The following PRKCE variants were observed in gnomAD, a reference collection of about 807,000 sequenced individuals.
PRKCE encodes the protein protein kinase C epsilon type.
PRKCE carries 16 observed loss-of-function variants against 85.4 expected under a neutral mutation model. That is an observed-to-expected ratio of 0.19 (90% CI 0.13 to 0.28). The LOEUF (loss-of-function observed/expected upper bound fraction) is 0.28. PRKCE is among the 10% of genes least tolerant of loss of function. The pLI is 1.00. For synonymous variants in PRKCE, 388 were observed against 371.5 expected (o/e 1.04, Z -0.51); for missense variants, 573 against 975.2 (o/e 0.59, Z 5.49).
At chr2:45,896,392 A>G (rs1399718798) in intron 2 of PRKCE, among the ~76,000 whole-genome samples, 1 of 152,138 alleles carries the variant, frequency 6.6e-6, no homozygotes, top group Non-Finnish European at 1.5e-5. Flanking sequence ...TGTGGCTGGG[A>G]GGGAGTTAAA....
At position 45,976,541 on chromosome 2, in the gene PRKCE, C is replaced by T. The variant is rs1208704506; in HGVS notation, c.525C>T (p.Thr175=). The part of the protein sequence containing the change: ...HQVNGHKFMA[T]YLRQPTYCSH... ...TCAACGGCCACAAGTTCATGGCCAC[C>T]TATCTTCGGCAGCCCACCTACTGCT... The change falls in exon 3 of 15, where the codon ACC becomes ACT. Residue 175 remains threonine, a synonymous_variant. Transcript: ENST00000306156. 6.3e-7 allele frequency: 1 copy of T among 1,599,780 alleles called. No homozygotes were observed. Among genetic ancestry groups the T allele is most frequent in the South Asian group, 1.1e-5 (1 of 91,086 alleles).
At chr2:45,660,631 C>T (rs1675593874) in intron 1 of PRKCE, among the ~76,000 whole-genome samples, 1 of 152,338 alleles carries the variant, frequency 6.6e-6, no homozygotes, top group East Asian at 1.9e-4. Context: ...TCAGACAAAG[C>T]TTCCAGGGGT....
At position 45,827,657 on chromosome 2, in the gene PRKCE, A is replaced by T. The variant is rs377561182; in HGVS notation, c.349-15343A>T. ...GTTACAGAATAAAAGCCAGTTGGAC[A>T]GTTTAGTGCACCATTAGATTACATG... On this transcript the variant is annotated intron_variant, in intron 1 of 14. Transcript: ENST00000306156. Among the ~76,000 whole-genome samples the T allele has an allele frequency of 3.9e-5, 6 of 152,370 alleles. No homozygotes were observed. The East Asian group carries it at 1.2e-3, about 29-fold the overall frequency.
Position 46,139,696 on chromosome 2 carries a change from G to T in PRKCE, c.1593-5397G>T, listed in dbSNP as rs527427737. On this transcript the variant is annotated intron_variant, in intron 11 of 14. Coordinates refer to ENST00000306156, the MANE Select transcript of PRKCE (RefSeq NM_005400.3). The surrounding 1 kb of genome is among the most constrained non-coding windows in gnomAD (Gnocchi z 5.2). ...TATATATATATGCGTATATATATGT[G>T]TGTGTATATATATACATATATACAT... 6.6e-5 allele frequency among the ~76,000 whole-genome samples: 10 copies of T among 151,444 alleles called. No individual in the cohort carries two copies. In the South Asian group the frequency reaches 2.1e-3, roughly 32 times the overall value.
At chr2:45,702,974 A>C (rs1678778872) in intron 1 of PRKCE, among the ~76,000 whole-genome samples, 1 of 152,070 alleles carries the variant, frequency 6.6e-6, no homozygotes, top group Non-Finnish European at 1.5e-5. Context: ...CAGCCTCGGC[A>C]GATAACAGCC....
At chr2:45,678,385 G>A in intron 1 of PRKCE, among the ~76,000 whole-genome samples, 1 of 152,162 alleles carries the variant, frequency 6.6e-6, no homozygotes, top group East Asian at 1.9e-4. Flanking sequence ...TGAGGGATCA[G>A]GTTTAAAAAA....
At chr2:45,717,912 G>C (rs1172704936) in intron 1 of PRKCE, among the ~76,000 whole-genome samples, 1 of 152,188 alleles carries the variant, frequency 6.6e-6, no homozygotes, top group Non-Finnish European at 1.5e-5. Flanking sequence ...GCCCCATATT[G>C]TACCTCTTGT....
intron 2 of PRKCE, among the ~76,000 whole-genome samples, chr2:45,906,908 G>A (rs1220555023): frequency 6.6e-6 from 1 of 152,232 alleles, no homozygotes; most frequent in African/African-American, 2.4e-5. Flanking sequence ...CTGGGACAGT[G>A]TTTCATGGGC....
chr2:46,117,566 G>A, intron 11 of PRKCE, among the ~76,000 whole-genome samples: 1 of 152,166 alleles, frequency 6.6e-6, no homozygotes, highest in East Asian at 1.9e-4. Context: ...CAAGCTGGGT[G>A]ATTACTCACC....
chr2:45,693,626 C>G (rs1677913792), intron 1 of PRKCE, among the ~76,000 whole-genome samples: 2 of 152,166 alleles, frequency 1.3e-5, no homozygotes, highest in South Asian at 4.1e-4. Context: ...TCGGATCTGA[C>G]AGCTGATGTT....
In PRKCE at chr2:46,139,400, GC is replaced by G. The variant is rs1339277568; in HGVS notation, c.1593-5688del. ...CAGATAGAAGATATAACGGAAGAAA[GC>G]CCCCATTTACCAGAAGAATTTAAAA... is the stretch of plus-strand genomic sequence containing the variant. On this transcript the variant is annotated intron_variant, in intron 11 of 14. Transcript: ENST00000306156. The surrounding 1 kb of genome is among the most constrained non-coding windows in gnomAD (Gnocchi z 5.2). 6.6e-6 allele frequency among the ~76,000 whole-genome samples: 1 copy of G among 152,088 alleles called. No homozygotes were observed. Among genetic ancestry groups the G allele is most frequent in the Non-Finnish European group, 1.5e-5 (1 of 68,004 alleles).
rs375771909 is a variant in PRKCE, at chr2:45,980,256, C to T, written c.608-40C>T. 5.5e-5 allele frequency: 86 copies of T among 1,575,550 alleles called. 1 individual carries two copies. In the African/African-American group the frequency reaches 1.0e-3, roughly 19 times the overall value. On this transcript the variant is annotated intron_variant, in intron 4 of 14. Coordinates refer to ENST00000306156, the MANE Select transcript of PRKCE (RefSeq NM_005400.3). ...AGATCCTGGGAGGGACACTCCCTTT[C>T]CTGAGTGTCATTCAGCCTTCCTGTC...
intron 1 of PRKCE, among the ~76,000 whole-genome samples, chr2:45,683,126 G>T (rs1164668745): frequency 6.6e-6 from 1 of 152,124 alleles, no homozygotes; most frequent in Non-Finnish European, 1.5e-5. Context: ...AAGGATACTG[G>T]CTAGCCAAGC....
chr2:46,089,185 C>G (rs1208614428), intron 11 of PRKCE, among the ~76,000 whole-genome samples: 1 of 152,194 alleles, frequency 6.6e-6, no homozygotes, highest in Non-Finnish European at 1.5e-5. Context: ...GGGCCTTCCT[C>G]CCTCCTCATT....
chr2:45,811,380 C>T (rs987668885), intron 1 of PRKCE, among the ~76,000 whole-genome samples: 3 of 152,068 alleles, frequency 2.0e-5, no homozygotes, highest in African/African-American at 7.3e-5. Flanking sequence ...AATAAGCATG[C>T]AGGAGAGTGT....
At chr2:45,777,504 C>T (rs1397511573) in intron 1 of PRKCE, among the ~76,000 whole-genome samples, 2 of 152,170 alleles carry the variant, frequency 1.3e-5, no homozygotes, top group Non-Finnish European at 2.9e-5. Context: ...TCATACCCCT[C>T]AGCTGATGAG....
At chr2:45,858,867 C>T (rs920556718) in intron 2 of PRKCE, among the ~76,000 whole-genome samples, 27 of 151,852 alleles carry the variant, frequency 1.8e-4, no homozygotes, top group African/African-American at 5.8e-4. Context: ...ATGGTGAAAC[C>T]CCACCTCTAC....
At chr2:46,028,128 G>A (rs1055910277) in intron 10 of PRKCE, among the ~76,000 whole-genome samples, 3 of 152,126 alleles carry the variant, frequency 2.0e-5, no homozygotes, top group African/African-American at 7.2e-5. Context: ...TTTTAGTAGA[G>A]ACGGGGTTTT....
In PRKCE at chr2:46,145,649, C is replaced by G. The variant is rs931082900; in HGVS notation, c.1731+418C>G. Among the ~76,000 whole-genome samples, 15 of 152,268 alleles carry G rather than the reference C, an allele frequency of 9.9e-5. No homozygotes were observed. The highest frequency in any genetic ancestry group is 3.6e-4 in the African/African-American group (15 of 41,546). ...TTGGGAGGCCAAGGCAGGTAGATCG[C>G]TTGAGCCCAGGAGTTCAAGACCAGC... is the stretch of plus-strand genomic sequence containing the variant. On this transcript the variant is annotated intron_variant, in intron 12 of 14. Coordinates refer to ENST00000306156, the MANE Select transcript of PRKCE (RefSeq NM_005400.3). The surrounding 1 kb of genome is among the most constrained non-coding windows in gnomAD (Gnocchi z 4.6).
Sources: allele counts gnomAD v4.1 joint callset (sites outside exome capture counted in the v4.1 genomes callset), GRCh38; gene constraint gnomAD v4.1.1; non-coding constraint Gnocchi (gnomAD v3.1); transcripts MANE v1.5; gene names NCBI Gene and HGNC (gene_info 2026-07-23, HGNC 2026-07-21).